Variants in RNF220 observed in about 807,000 individuals in gnomAD.
The protein encoded by RNF220 is ring finger protein 220, also known as E3 ubiquitin-protein ligase RNF220.
RNF220 carries 7 observed loss-of-function variants against 67.1 expected under a neutral mutation model. The ratio of observed to expected loss-of-function variants is 0.10; its 90% CI spans 0.06 to 0.20. The LOEUF (loss-of-function observed/expected upper bound fraction) is 0.20, where lower values mean the gene tolerates loss of function less well. Among genes scored for constraint, RNF220 ranks in the 10% least tolerant of loss-of-function variants. The probability of loss-of-function intolerance (pLI) is 1.00; values close to 1 mark genes in which losing one functional copy is unlikely to be tolerated. For missense variants in RNF220, 565 were observed against 740.3 expected (o/e 0.76, Z 2.75); for synonymous variants, 270 against 283.2 (o/e 0.95, Z 0.47).
At chr1:44,423,473 TA>T (rs1649438693) in intron 2 of RNF220, among the ~76,000 whole-genome samples, 1 of 152,194 alleles carries the variant, frequency 6.6e-6, no homozygotes, top group Non-Finnish European at 1.5e-5. Flanking sequence ...GTCCTGCTTT[TA>T]AAGTAACTTT....
intron 2 of RNF220, among the ~76,000 whole-genome samples, chr1:44,455,550 A>T (rs1410117764): frequency 6.6e-6 from 1 of 152,208 alleles, no homozygotes; most frequent in Non-Finnish European, 1.5e-5. Context: ...ATATTTGATT[A>T]ACTGATTGAT....
In RNF220 at chr1:44,473,000, A is replaced by G. The variant is rs115954708; in HGVS notation, c.625+60278A>G. Among the ~76,000 whole-genome samples the G allele has an allele frequency of 1.8e-3, 268 of 152,232 alleles. 1 individual carries two copies. Among genetic ancestry groups the G allele is most frequent in the African/African-American group, 6.3e-3 (261 of 41,530 alleles). On this transcript the variant is annotated intron_variant, in intron 2 of 14. Coordinates refer to ENST00000361799, the MANE Select transcript of RNF220 (RefSeq NM_018150.4). Reference sequence around the variant, plus strand: ...GATGATATTCATGTCTCTAGACCATACTGGAAGGTTCTGGCTTTGAGGTTT... The same window carrying G: ...GATGATATTCATGTCTCTAGACCATGCTGGAAGGTTCTGGCTTTGAGGTTT...
chr1:44,430,641 G>A (rs1275281652), intron 2 of RNF220, among the ~76,000 whole-genome samples: 1 of 152,192 alleles, frequency 6.6e-6, no homozygotes, highest in East Asian at 1.9e-4. Flanking sequence ...CGCCTCCTGG[G>A]TTCAAGCAGT....
At chr1:44,458,975 C>T (rs991120583) in intron 2 of RNF220, among the ~76,000 whole-genome samples, 36 of 152,316 alleles carry the variant, frequency 2.4e-4, no homozygotes, top group Admixed American at 6.5e-4. Context: ...ACAGCCTCTA[C>T]CTTGCAGCTT....
At chr1:44,415,112 G>A (rs1648388476) in intron 2 of RNF220, among the ~76,000 whole-genome samples, 1 of 149,702 alleles carries the variant, frequency 6.7e-6, no homozygotes, top group Non-Finnish European at 1.5e-5. Context: ...GGCAGGAGAA[G>A]TATTTTTCTG....
At chr1:44,610,119 C>T (rs1307361289) in intron 2 of RNF220, among the ~76,000 whole-genome samples, 2 of 152,080 alleles carry the variant, frequency 1.3e-5, no homozygotes, top group African/African-American at 4.8e-5. Flanking sequence ...TGAATGTGGA[C>T]GGGAGGCGGA....
chr1:44,559,666 G>A (rs1180449638), intron 2 of RNF220, among the ~76,000 whole-genome samples: 1 of 152,166 alleles, frequency 6.6e-6, no homozygotes, highest in Middle Eastern at 3.2e-3. Context: ...AGGGGGCCAC[G>A]GCCCTGACTC....
rs2148449988 is a variant in RNF220, at chr1:44,622,573, T to C, written c.759-169T>C. Among the ~76,000 whole-genome samples the C allele has an allele frequency of 6.6e-6, 1 of 152,276 alleles. No homozygotes were observed. Among genetic ancestry groups the C allele is most frequent in the East Asian group, 1.9e-4 (1 of 5,184 alleles). ...GAGAGAGGCTGAGCCACTCAGCCCA[T>C]GAGAGAGGCTGGGCCACTGGGATTG... is the stretch of plus-strand genomic sequence containing the variant. On this transcript the variant is annotated intron_variant, in intron 3 of 14. Transcript: ENST00000361799. This position sits in a 1 kb window ranked among gnomAD's most constrained non-coding sequence, Gnocchi z 4.3.
rs546428993 is a variant in RNF220, at chr1:44,637,346, C to T, written c.1126+1184C>T. Reference sequence around the variant, plus strand: ...GTCAGACCAAACAGTCTCCCTGAGCCGGAGCTGGAGAGTGTTAGTTTGCCA... The same window carrying T: ...GTCAGACCAAACAGTCTCCCTGAGCTGGAGCTGGAGAGTGTTAGTTTGCCA... On this transcript the variant is annotated intron_variant, in intron 8 of 14. Transcript: ENST00000361799. Among the ~76,000 whole-genome samples the T allele has an allele frequency of 3.9e-5, 6 of 152,316 alleles. No homozygotes were observed. The East Asian group carries it at 5.8e-4, about 15-fold the overall frequency.
intron 2 of RNF220, among the ~76,000 whole-genome samples, chr1:44,523,605 G>A (rs977661627): frequency 1.3e-5 from 2 of 152,184 alleles, no homozygotes; most frequent in African/African-American, 4.8e-5. Context: ...GAGGCTAATG[G>A]TTATGGGGTC....
At chr1:44,533,306 C>T (rs1210216995) in intron 2 of RNF220, among the ~76,000 whole-genome samples, 3 of 152,092 alleles carry the variant, frequency 2.0e-5, no homozygotes, top group Non-Finnish European at 4.4e-5. Flanking sequence ...GCCTGGGCAA[C>T]ATAGTGAGAC....
At chr1:44,573,867 A>T (rs1366083384) in intron 2 of RNF220, among the ~76,000 whole-genome samples, 1 of 151,758 alleles carries the variant, frequency 6.6e-6, no homozygotes, top group Non-Finnish European at 1.5e-5. Context: ...TAATGCCAGC[A>T]CTTTGGGAGC....
intron 2 of RNF220, among the ~76,000 whole-genome samples, chr1:44,463,153 A>G (rs998577991): frequency 2.0e-5 from 3 of 152,108 alleles, no homozygotes; most frequent in African/African-American, 7.2e-5. Flanking sequence ...CCTGACCAAC[A>G]TGGAGAAACC....
At chr1:44,446,798 C>T (rs889687639) in intron 2 of RNF220, among the ~76,000 whole-genome samples, 9 of 152,260 alleles carry the variant, frequency 5.9e-5, no homozygotes, top group African/African-American at 2.2e-4. Flanking sequence ...ACCTCGTGAT[C>T]TGCCCACCTC....
At chr1:44,511,177 T>A (rs568552556) in intron 2 of RNF220, among the ~76,000 whole-genome samples, 3 of 152,214 alleles carry the variant, frequency 2.0e-5, no homozygotes, top group Admixed American at 6.5e-5. Context: ...CCAATTCTGA[T>A]AAAGAATAAG....
chr1:44,635,501 A>AC (rs766893671), intron 6 of RNF220, 44 bp from the exon 7 acceptor site: 475 of 1,603,272 alleles, frequency 3.0e-4, no homozygotes, highest in Non-Finnish European at 3.9e-4. Context: ...GGCTGCAGTG[A>AC]CCGTCTGCTT....
At chr1:44,445,716 G>A (rs936881080) in intron 2 of RNF220, among the ~76,000 whole-genome samples, 82 of 152,104 alleles carry the variant, frequency 5.4e-4, no homozygotes, top group Non-Finnish European at 9.6e-4. Context: ...TTCTTATCCC[G>A]CCTCAATCCC....
intron 5 of RNF220, among the ~76,000 whole-genome samples, chr1:44,629,948 T>C (rs1644068350): frequency 6.6e-6 from 1 of 152,182 alleles, no homozygotes; most frequent in African/African-American, 2.4e-5. Context: ...CAAGGAAAGT[T>C]AGTAGGTGAA....
rs993098576 is a variant in RNF220 at position 44,611,715 on chromosome 1, G to C, written c.626-2450G>C. On this transcript the variant is annotated intron_variant, in intron 2 of 14. Coordinates refer to ENST00000361799, the MANE Select transcript of RNF220 (RefSeq NM_018150.4). ...TCTCACCAGCACTGACTGCAGTCAC[G>C]GGCTCTCTTTTTGCCTTTCCTACTA... is the stretch of plus-strand genomic sequence containing the variant. 2.0e-5 allele frequency among the ~76,000 whole-genome samples: 3 copies of C among 151,026 alleles called. No homozygotes were observed. The East Asian group carries it at 5.9e-4, about 30-fold the overall frequency.
Sources: gnomAD v4.1 joint callset for allele counts (sites outside exome capture counted in the v4.1 genomes callset) on GRCh38, gnomAD v4.1.1 for gene constraint, Gnocchi (gnomAD v3.1) non-coding constraint, MANE v1.5 for transcripts, NCBI Gene and HGNC (gene_info 2026-07-23, HGNC 2026-07-21) for gene names.